SND1: variants seen among roughly 807,000 people sequenced by gnomAD.
SND1 encodes staphylococcal nuclease and tudor domain containing 1, also known as staphylococcal nuclease domain-containing protein 1.
In SND1, 38 loss-of-function variants were observed where a neutral mutation model predicts 121.7. That is an observed-to-expected ratio of 0.31 (90% CI 0.24 to 0.41). The LOEUF is 0.41. Ranked by LOEUF, SND1 falls within the 10% of genes least tolerant of loss-of-function variation. SND1 has a pLI of 1.00. For missense variants in SND1, 868 were observed against 1,184.6 expected, an observed-to-expected ratio of 0.73 and a Z score of 3.92; for synonymous variants, 401 against 447.4, an observed-to-expected ratio of 0.90 and a Z score of 1.31.
At chr7:127,657,107 G>C (rs1395913064) in intron 1 of SND1, among the ~76,000 whole-genome samples, 1 of 152,182 alleles carries the variant, frequency 6.6e-6, no homozygotes, top group Non-Finnish European at 1.5e-5. Flanking sequence ...AGAATCATAA[G>C]CAATCATACT....
chr7:127,811,500 A>G (rs1798334459), intron 11 of SND1, among the ~76,000 whole-genome samples: 1 of 152,066 alleles, frequency 6.6e-6, no homozygotes, highest in South Asian at 2.1e-4. Flanking sequence ...CCCTTATTCC[A>G]GTCCCTCACC....
rs573173883 is a variant in SND1, at chr7:128,008,315, G to A, written c.1779+17259G>A. ...AACGTGTGCTAGAGGAGGAGTACAG[G>A]TGTCTGACAGACCTGGAATTTTCCA... On this transcript the variant is annotated intron_variant, in intron 16 of 23. Coordinates refer to ENST00000354725, the MANE Select transcript of SND1 (RefSeq NM_014390.4). Among the ~76,000 whole-genome samples the A allele has an allele frequency of 2.2e-4, 33 of 152,300 alleles. No homozygotes were observed. In the South Asian group the frequency reaches 4.4e-3, roughly 20 times the overall value.
At chr7:127,890,446 T>TG (rs1799989131) in intron 13 of SND1, among the ~76,000 whole-genome samples, 1 of 152,154 alleles carries the variant, frequency 6.6e-6, no homozygotes. Flanking sequence ...CCATGGGATT[T>TG]GGGGGGTTGG....
chr7:127,954,682 T>G (rs1323366147), intron 15 of SND1, among the ~76,000 whole-genome samples: 3 of 152,180 alleles, frequency 2.0e-5, no homozygotes, highest in African/African-American at 7.2e-5. Flanking sequence ...ATATGCATGA[T>G]TGATATTTAA....
At chr7:127,705,377 A>G (rs1319100034) in intron 8 of SND1, among the ~76,000 whole-genome samples, 1 of 152,210 alleles carries the variant, frequency 6.6e-6, no homozygotes, top group African/African-American at 2.4e-5. Context: ...GGACCATTCA[A>G]TATTGTTGTG....
At chr7:127,733,267 G>C (rs1489590301) in intron 10 of SND1, among the ~76,000 whole-genome samples, 1 of 151,594 alleles carries the variant, frequency 6.6e-6, no homozygotes, top group Non-Finnish European at 1.5e-5. Flanking sequence ...ATGGATAATT[G>C]AGGGATGGAA....
At chr7:127,950,245 C>T (rs761196384) in intron 15 of SND1, among the ~76,000 whole-genome samples, 6 of 151,870 alleles carry the variant, frequency 4.0e-5, no homozygotes, top group South Asian at 2.1e-4. Context: ...TTGGGAATTA[C>T]GAAATATTCA....
intron 9 of SND1, among the ~76,000 whole-genome samples, chr7:127,717,995 A>G (rs1796420041): frequency 6.6e-6 from 1 of 152,116 alleles, no homozygotes; most frequent in Non-Finnish European, 1.5e-5. Context: ...GGTTTTCTTG[A>G]CTCATGGCAG....
At chr7:127,734,263 T>G (rs1018264343) in intron 10 of SND1, among the ~76,000 whole-genome samples, 6 of 152,108 alleles carry the variant, frequency 3.9e-5, no homozygotes, top group Admixed American at 3.9e-4. Context: ...AAAGGAGATA[T>G]AAGAGTTCTG....
intron 10 of SND1, among the ~76,000 whole-genome samples, chr7:127,751,997 A>G (rs1203056133): frequency 6.6e-6 from 1 of 152,224 alleles, no homozygotes; most frequent in East Asian, 1.9e-4. Flanking sequence ...GCCTCTTCCC[A>G]TCTTTTTCCT....
chr7:127,690,750 G>A (rs527276434), intron 2 of SND1, among the ~76,000 whole-genome samples: 1 of 152,330 alleles, frequency 6.6e-6, no homozygotes, highest in South Asian at 2.1e-4. Flanking sequence ...ATTGTGCAAT[G>A]TGGCACTACG....
intron 12 of SND1, among the ~76,000 whole-genome samples, chr7:127,846,795 A>G (rs1008170307): frequency 1.3e-5 from 2 of 152,140 alleles, no homozygotes; most frequent in Non-Finnish European, 2.9e-5. Flanking sequence ...AGAGACTCCC[A>G]GATAATTTTA....
intron 10 of SND1, among the ~76,000 whole-genome samples, chr7:127,793,489 T>A (rs1053080042): frequency 6.6e-6 from 1 of 152,016 alleles, no homozygotes; most frequent in African/African-American, 2.4e-5. Flanking sequence ...TTGTAGAAAT[T>A]TAGAGTGGCG....
chr7:128,039,451 C>G (rs933731812), intron 16 of SND1, among the ~76,000 whole-genome samples: 2 of 152,102 alleles, frequency 1.3e-5, no homozygotes, highest in African/African-American at 2.4e-5. Context: ...GCTCTACTTA[C>G]ATTCTTTGAA....
chr7:127,801,286 G>A (rs1470601335), intron 10 of SND1, among the ~76,000 whole-genome samples: 2 of 152,114 alleles, frequency 1.3e-5, no homozygotes, highest in Admixed American at 6.5e-5. Flanking sequence ...ATATGTTGGA[G>A]GTACTGTATC....
At chr7:127,950,041 A>G (rs969513047) in intron 15 of SND1, among the ~76,000 whole-genome samples, 3 of 152,234 alleles carry the variant, frequency 2.0e-5, no homozygotes. Context: ...TGTGGTCACC[A>G]GGACCCCATG....
At chr7:127,958,987 A>G (rs1345796104) in intron 15 of SND1, among the ~76,000 whole-genome samples, 2 of 152,206 alleles carry the variant, frequency 1.3e-5, no homozygotes, top group South Asian at 4.1e-4. Flanking sequence ...GCAGTGTTAA[A>G]TTAGCCAATT....
At chr7:127,950,028 G>A (rs1023823655) in intron 15 of SND1, among the ~76,000 whole-genome samples, 1 of 152,224 alleles carries the variant, frequency 6.6e-6, no homozygotes, top group African/African-American at 2.4e-5. Flanking sequence ...GCTGTAAAGA[G>A]ACTGTGGTCA....
At chr7:127,688,729 AT>A (rs1293719190) in intron 2 of SND1, among the ~76,000 whole-genome samples, 50 of 151,732 alleles carry the variant, frequency 3.3e-4, no homozygotes, top group Non-Finnish European at 7.4e-5. Context: ...CTAAAAAAAA[AT>A]AATAAAAAAA....
Sources: allele counts gnomAD v4.1 joint callset (sites outside exome capture counted in the v4.1 genomes callset), GRCh38; gene constraint gnomAD v4.1.1; transcripts MANE v1.5; gene names NCBI Gene and HGNC (gene_info 2026-07-23, HGNC 2026-07-21).